GLG1: variants seen among roughly 807,000 people sequenced by gnomAD.
The protein encoded by GLG1 is Golgi apparatus protein 1.
A neutral mutation model predicts 160.5 loss-of-function variants in GLG1; 38 were observed. The ratio of observed to expected loss-of-function variants is 0.24; its 90% confidence interval spans 0.18 to 0.31. The LOEUF (loss-of-function observed/expected upper bound fraction) is 0.31, where lower values mean the gene tolerates loss of function less well. Among genes scored for constraint, GLG1 ranks in the 10% least tolerant of loss-of-function variants. GLG1 has a pLI of 1.00. For missense variants in GLG1, 1,373 were observed against 1,505.2 expected, an observed-to-expected ratio of 0.91 and a Z score of 1.45; for synonymous variants, 644 against 543.4, an observed-to-expected ratio of 1.19 and a Z score of -2.57.
intron 17 of GLG1, chr16:74,468,067 C>G: frequency 2.1e-6 from 1 of 478,548 alleles, no homozygotes; most frequent in Non-Finnish European, 3.7e-6. Flanking sequence ...CAAGTCTACC[C>G]TGAAACACCT....
intron 13 of GLG1, chr16:74,474,344 T>C (rs1435044897): frequency 3.6e-6 from 2 of 563,280 alleles, no homozygotes; most frequent in Admixed American, 3.0e-5. Context: ...GTATAGAGTG[T>C]TGTTCTAGAG....
In GLG1 at chr16:74,560,685, G is replaced by A. The variant is rs573987316; in HGVS notation, c.439-28532C>T. On this transcript the variant is annotated intron_variant, in intron 1 of 25. Transcript: ENST00000422840. ...GCAAAGCTTAAGCAACTAATTGTAA[G>A]AAAAATTAAACCTGAGCTGGGCATG... is the stretch of plus-strand genomic sequence containing the variant. 5.3e-5 allele frequency among the ~76,000 whole-genome samples: 8 copies of A among 152,116 alleles called. No individual in the cohort carries two copies. The South Asian group carries it at 1.7e-3, about 32-fold the overall frequency.
In GLG1 at chr16:74,452,068, G is replaced by A. The variant is rs1005627479; in HGVS notation, c.*1099C>T. The A allele has an allele frequency of 1.1e-5, 17 of 1,611,840 alleles. No individual in the cohort carries two copies. Among genetic ancestry groups the A allele is most frequent in the Non-Finnish European group, 1.4e-5 (17 of 1,177,900 alleles). On this transcript the variant is annotated 3_prime_UTR_variant, in exon 26 of 26. Coordinates refer to ENST00000422840, the MANE Select transcript of GLG1 (RefSeq NM_001145667.2). ...GTGTGCAGAAAGGTCAGGCTGGACT[G>A]CCTGTCACATCCTGAGACCACACTA...
At chr16:74,592,768 T>C (rs973365663) in intron 1 of GLG1, among the ~76,000 whole-genome samples, 6 of 152,216 alleles carry the variant, frequency 3.9e-5, no homozygotes, top group South Asian at 2.1e-4. Flanking sequence ...CACATGACTA[T>C]AGGACCTTCT....
chr16:74,516,679 A>G (rs2016988041), intron 2 of GLG1, among the ~76,000 whole-genome samples: 1 of 152,244 alleles, frequency 6.6e-6, no homozygotes, highest in Admixed American at 6.5e-5. Flanking sequence ...TTCAAAAGCT[A>G]GCAAAAGACA....
At chr16:74,574,883 C>CAAAAA (rs531720341) in intron 1 of GLG1, among the ~76,000 whole-genome samples, 1,315 of 24,778 alleles carry the variant, frequency 0.053, 328 homozygotes, top group East Asian at 0.14. Context: ...GACTCTGTCT[C>CAAAAA]AAAAAAAAAA....
chr16:74,529,825 T>TC (rs2017474284), intron 2 of GLG1, among the ~76,000 whole-genome samples: 1 of 142,176 alleles, frequency 7.0e-6, no homozygotes, highest in African/African-American at 2.6e-5. Flanking sequence ...TTTTTTTTTT[T>TC]TTTTTTTTTG....
At position 74,480,310 on chromosome 16, in the gene GLG1, A is replaced by C. The variant is rs773402996; in HGVS notation, c.1758T>G (p.Phe586Leu). 6.2e-7 allele frequency: 1 copy of C among 1,613,344 alleles called. No homozygotes were observed. Among genetic ancestry groups the C allele is most frequent in the Non-Finnish European group, 8.5e-7 (1 of 1,179,192 alleles). The stretch of plus-strand genomic sequence containing the variant: ...AAGAGAACACAGCTCCCTGAGGCAT[A>C]AATTCACTGGTCTCATTCCAACCGT... ...HTHGWNETSE[F>L]MPQGAVFSCL... is the part of the protein sequence containing the mutation. Residue 586 changes from phenylalanine (F) to leucine (L), a missense_variant, in exon 11 of 26, where the codon TTT (phenylalanine) becomes TTG (leucine). Phe to Leu is a conservative substitution (Grantham distance 22). This residue lies in a region of GLG1 where 386 missense variants were observed against 388.5 expected (regional missense o/e 0.99). Coordinates refer to ENST00000422840, the MANE Select transcript of GLG1 (RefSeq NM_001145667.2).
chr16:74,471,212 C>T lies in GLG1; in HGVS notation c.2190G>A (p.Met730Ile). The change falls in exon 15 of 26, where the codon ATG becomes ATA. Residue 730 changes from methionine to isoleucine, a missense_variant. Physicochemically the swap from Met to Ile is conservative, Grantham distance 10. Coordinates refer to ENST00000422840, the MANE Select transcript of GLG1 (RefSeq NM_001145667.2). The stretch of plus-strand genomic sequence containing the variant: ...TAACTCCGATGGCACACTTCTCGTT[C>T]ATGTCCTTCTGGTGTTTGTTCTGTA... ...CLIQNKHQKD[M>I]NEKCAIGVTH... 1 of 1,612,860 alleles carries T rather than the reference C, an allele frequency of 6.2e-7. No homozygotes were observed. The highest frequency in any genetic ancestry group is 8.5e-7 in the Non-Finnish European group (1 of 1,178,770).
chr16:74,477,349 T>C, intron 12 of GLG1, 47 bp downstream of exon 12: 1 of 1,441,774 alleles, frequency 6.9e-7, no homozygotes, highest in African/African-American at 1.4e-5. Context: ...ATGTTAAACA[T>C]TAACATCATC....
intron 2 of GLG1, among the ~76,000 whole-genome samples, chr16:74,514,060 GA>G (rs1226593555): frequency 1.3e-5 from 2 of 152,108 alleles, no homozygotes; most frequent in Non-Finnish European, 2.9e-5. Context: ...TCAAATGAAT[GA>G]AATAAAGCCA....
At chr16:74,541,996 A>G (rs2017881953) in intron 1 of GLG1, among the ~76,000 whole-genome samples, 1 of 140,664 alleles carries the variant, frequency 7.1e-6, no homozygotes, top group African/African-American at 2.6e-5. Flanking sequence ...CCCAGTTCAT[A>G]TTTTCCTATT....
chr16:74,525,555 C>A (rs1194010839), intron 2 of GLG1, among the ~76,000 whole-genome samples: 3 of 150,458 alleles, frequency 2.0e-5, no homozygotes, highest in Non-Finnish European at 3.0e-5. Context: ...ATTAACTTTC[C>A]AAACTGCTGG....
chr16:74,477,544 A>G lies in GLG1; in HGVS notation c.1828-11T>C. 1.2e-6 allele frequency: 2 copies of G among 1,607,700 alleles called. No individual in the cohort carries two copies. Among genetic ancestry groups the G allele is most frequent in the Non-Finnish European group, 1.7e-6 (2 of 1,176,160 alleles). On this transcript the variant is annotated splice_polypyrimidine_tract_variant and intron_variant, in intron 11 of 25. Coordinates refer to ENST00000422840, the MANE Select transcript of GLG1 (RefSeq NM_001145667.2). ...GCACTCCCGTGAGAGCTGCATGAGA[A>G]AAAATGAGCTAAATACTTGAAAGGT...
chr16:74,538,244 G>A (rs924935250), intron 1 of GLG1, among the ~76,000 whole-genome samples: 2 of 149,854 alleles, frequency 1.3e-5, no homozygotes, highest in Non-Finnish European at 3.0e-5. Context: ...TTGAAGTCAC[G>A]CGATAACCTA....
At chr16:74,520,726 G>A (rs1169828202) in intron 2 of GLG1, among the ~76,000 whole-genome samples, 1 of 152,146 alleles carries the variant, frequency 6.6e-6, no homozygotes, top group Non-Finnish European at 1.5e-5. Flanking sequence ...TACTTTGACT[G>A]GATATCATTT....
In GLG1 at chr16:74,477,489, C is replaced by G; in HGVS notation, c.1872G>C (p.Gln624His). The part of the protein sequence containing the change: ...CRAEVQRILH[Q>H]RAMDVKLDPA... ...GATCCAGCTTGACATCCATGGCACG[C>G]TGGTGTAGGATCCTTTGGACTTCAG... The change falls in exon 12 of 26, where the codon CAG (glutamine) becomes CAC (histidine). Residue 624 changes from glutamine to histidine, a missense_variant. By Grantham distance (24) the Gln-to-His change is conservative (BLOSUM62 0). Coordinates refer to ENST00000422840, the MANE Select transcript of GLG1 (RefSeq NM_001145667.2). The G allele has an allele frequency of 6.2e-7, 1 of 1,612,622 alleles. No individual in the cohort carries two copies. Among genetic ancestry groups the G allele is most frequent in the Non-Finnish European group, 8.5e-7 (1 of 1,178,654 alleles).
intron 4 of GLG1, among the ~76,000 whole-genome samples, chr16:74,497,273 G>A (rs1248603633): frequency 8.0e-6 from 1 of 125,742 alleles, no homozygotes; most frequent in Admixed American, 9.0e-5. Context: ...TGGGCGACAA[G>A]ACAGAAACTC....
chr16:74,504,651 T>C (rs1313869316), intron 3 of GLG1, among the ~76,000 whole-genome samples: 1 of 152,198 alleles, frequency 6.6e-6, no homozygotes, highest in Non-Finnish European at 1.5e-5. Context: ...GTTTTTGAAA[T>C]CAGTAGAATC....
Sources: allele counts gnomAD v4.1 joint callset (sites outside exome capture counted in the v4.1 genomes callset), GRCh38; gene constraint gnomAD v4.1.1; regional missense constraint gnomAD v4.1.1; transcripts MANE v1.5; gene names NCBI Gene and HGNC (gene_info 2026-07-23, HGNC 2026-07-21).